ATP8A2: variants seen among roughly 807,000 people sequenced by gnomAD.
ATP8A2 encodes the protein ATPase phospholipid transporting 8A2.
ATP8A2 carries 100 observed loss-of-function variants against 165.6 expected under a neutral mutation model. The ratio of observed to expected loss-of-function variants is 0.60; its 90% CI spans 0.51 to 0.71. ATP8A2 has a LOEUF of 0.71. ATP8A2 is among the 30% of genes least tolerant of loss of function. The pLI, the probability that ATP8A2 is intolerant of heterozygous loss-of-function variation, is 0.00. For missense variants in ATP8A2, 1,227 were observed against 1,479.5 expected (o/e 0.83, Z 2.80); for synonymous variants, 543 against 548.8 (o/e 0.99, Z 0.15).
rs1257456063 is a variant in ATP8A2 at position 25,968,613 on chromosome 13, T to C, written c.3311T>C (p.Val1104Ala). 1.2e-6 allele frequency: 2 copies of C among 1,613,740 alleles called. No individual in the cohort carries two copies. Among genetic ancestry groups the C allele is most frequent in the Non-Finnish European group, 1.7e-6 (2 of 1,179,980 alleles). ...TGCAAAAAGACATTGCTGGAGGAGG[T>C]GCAGGAGCTGGAAACCAAGTCTCGA... The part of the protein sequence containing the change: ...HTCKKTLLEE[V>A]QELETKSRVL... Residue 1104 changes from valine to alanine, a missense_variant, in exon 35 of 37, where the codon GTG (valine) becomes GCG (alanine). Coordinates refer to ENST00000381655, the MANE Select transcript of ATP8A2 (RefSeq NM_016529.6).
chr13:25,726,693 C>A (rs2043501777), intron 25 of ATP8A2, among the ~76,000 whole-genome samples: 1 of 152,160 alleles, frequency 6.6e-6, no homozygotes, highest in Admixed American at 6.5e-5. Context: ...TTTACTATAC[C>A]TGCACATTTC....
intron 2 of ATP8A2, among the ~76,000 whole-genome samples, chr13:25,477,538 C>T (rs1306854770): frequency 6.6e-6 from 1 of 152,190 alleles, no homozygotes; most frequent in Non-Finnish European, 1.5e-5. Context: ...GTGTTACTTT[C>T]GTAGTTTTGA....
chr13:26,017,147 T>A (rs1373207604), intron 36 of ATP8A2, among the ~76,000 whole-genome samples: 1 of 152,150 alleles, frequency 6.6e-6, no homozygotes, highest in Non-Finnish European at 1.5e-5. Flanking sequence ...TAAAAGAGTA[T>A]GTCCCATTCT....
At chr13:26,007,480 T>C (rs868688183) in intron 35 of ATP8A2, among the ~76,000 whole-genome samples, 40 of 152,236 alleles carry the variant, frequency 2.6e-4, no homozygotes, top group Non-Finnish European at 2.1e-4. Flanking sequence ...ATAGCAAGAC[T>C]CTGCAAAGAA....
At chr13:25,988,877 A>G (rs978742221) in intron 35 of ATP8A2, among the ~76,000 whole-genome samples, 3 of 152,222 alleles carry the variant, frequency 2.0e-5, no homozygotes. Flanking sequence ...TGCAATTCTT[A>G]TGGAGGGAGT....
rs11316144 is a variant in ATP8A2, at chr13:25,921,621, CAA to C, written c.3184-39938_3184-39937del. Among the ~76,000 whole-genome samples, 636 of 117,652 alleles carry C rather than the reference CAA, an allele frequency of 5.4e-3. 1 individual carries two copies. The highest frequency in any genetic ancestry group is 0.015 in the African/African-American group (460 of 31,300). The allele number at this position is 117,652 out of a possible 152,430, so 77.2% of individuals were successfully genotyped here. ...CTGGCAACAGAGCTAGACTCTGTCT[CAA>C]AAAAAAAAAAAAAAAGAAAAAAACT... On this transcript the variant is annotated intron_variant, in intron 33 of 36. Transcript: ENST00000381655.
chr13:25,410,324 T>C lies in ATP8A2; in HGVS notation c.76+38036T>C, dbSNP rs116789631. ...TTGTTCTGGGAAGCTTTTCACCTTT[T>C]GTTCTGTCAGAATGAATTTAACATT... On this transcript the variant is annotated intron_variant, in intron 1 of 36. Transcript: ENST00000381655. 3.2e-3 allele frequency among the ~76,000 whole-genome samples: 490 copies of C among 152,318 alleles called. 6 individuals are homozygous for C. Among genetic ancestry groups the C allele is most frequent in the African/African-American group, 0.011 (460 of 41,566 alleles).
intron 35 of ATP8A2, among the ~76,000 whole-genome samples, chr13:25,973,224 GTCTTAAACCT>G (rs1380192735): frequency 2.6e-5 from 4 of 152,170 alleles, no homozygotes; most frequent in Non-Finnish European, 5.9e-5. Flanking sequence ...TGTGTGGCTG[GTCTTAAACCT>G]TCTGGCGAGC....
At chr13:25,888,074 C>G (rs1465291594) in intron 33 of ATP8A2, among the ~76,000 whole-genome samples, 1 of 134,404 alleles carries the variant, frequency 7.4e-6, no homozygotes, top group Non-Finnish European at 1.6e-5. Context: ...CCAGACCCCC[C>G]CCCCGCCCCA....
At chr13:25,639,537 C>A (rs1003067833) in intron 24 of ATP8A2, among the ~76,000 whole-genome samples, 1 of 152,132 alleles carries the variant, frequency 6.6e-6, no homozygotes, top group African/African-American at 2.4e-5. Flanking sequence ...GGGATCAATT[C>A]AACAAGAAGA....
At chr13:25,771,352 C>T (rs192989203) in intron 26 of ATP8A2, among the ~76,000 whole-genome samples, 13 of 152,328 alleles carry the variant, frequency 8.5e-5, no homozygotes, top group Non-Finnish European at 1.6e-4. Context: ...GGGACTCGCA[C>T]TTCCTGTAGT....
At chr13:25,682,462 TCTC>T (rs1201234324) in intron 24 of ATP8A2, among the ~76,000 whole-genome samples, 1 of 152,154 alleles carries the variant, frequency 6.6e-6, no homozygotes, top group African/African-American at 2.4e-5. Context: ...TGGCCACAGT[TCTC>T]CTCATCTGTC....
chr13:25,904,238 G>A (rs1444761912), intron 33 of ATP8A2, among the ~76,000 whole-genome samples: 1 of 152,166 alleles, frequency 6.6e-6, no homozygotes, highest in Non-Finnish European at 1.5e-5. Flanking sequence ...CCTATACCTT[G>A]GACCTGTCAA....
rs375637297 is a variant in ATP8A2 at position 25,723,225 on chromosome 13, A to G, written c.2384+23880A>G. 3.3e-5 allele frequency among the ~76,000 whole-genome samples: 5 copies of G among 152,222 alleles called. No homozygotes were observed. The East Asian group carries it at 9.6e-4, about 29-fold the overall frequency. ...TAGTAGTGGGGAGTGGGCATTTTTA[A>G]CTTCACTAAATAATGCAAACTTATA... is the stretch of plus-strand genomic sequence containing the variant. On this transcript the variant is annotated intron_variant, in intron 25 of 36. Coordinates refer to ENST00000381655, the MANE Select transcript of ATP8A2 (RefSeq NM_016529.6).
chr13:25,735,403 G>A (rs991420991), intron 25 of ATP8A2, among the ~76,000 whole-genome samples: 1 of 152,042 alleles, frequency 6.6e-6, no homozygotes, highest in African/African-American at 2.4e-5. Context: ...GGGACCACAG[G>A]AGAGCACCAC....
chr13:25,585,937 A>C (rs970259017), intron 23 of ATP8A2, among the ~76,000 whole-genome samples: 1 of 152,316 alleles, frequency 6.6e-6, no homozygotes, highest in Non-Finnish European at 1.5e-5. Flanking sequence ...GTTAATTATG[A>C]GACAAATCAG....
intron 24 of ATP8A2, among the ~76,000 whole-genome samples, chr13:25,600,759 G>A (rs1435917648): frequency 1.3e-5 from 2 of 152,198 alleles, no homozygotes; most frequent in Admixed American, 1.3e-4. Context: ...AATTCATGCA[G>A]CATCTTGGTA....
At position 26,005,826 on chromosome 13, in the gene ATP8A2, T is replaced by C. The variant is rs191969457; in HGVS notation, c.3378-6705T>C. On this transcript the variant is annotated intron_variant, in intron 35 of 36. Coordinates refer to ENST00000381655, the MANE Select transcript of ATP8A2 (RefSeq NM_016529.6). ...ATGTCAAAAATTAAGTGACCATTGA[T>C]GTATGGGTTTATTTCTGGACTCTCA... Among the ~76,000 whole-genome samples the C allele has an allele frequency of 6.5e-4, 99 of 152,184 alleles. 1 individual carries two copies. The highest frequency in any genetic ancestry group is 2.0e-3 in the African/African-American group (82 of 41,578).
intron 27 of ATP8A2, 74 bp from the exon 28 acceptor site, chr13:25,828,044 C>T (rs990399762): frequency 5.1e-5 from 62 of 1,211,472 alleles, no homozygotes; most frequent in Non-Finnish European, 7.1e-5. Context: ...TCCACATTCC[C>T]GCTACTTCTT....
Sources: allele counts gnomAD v4.1 joint callset (sites outside exome capture counted in the v4.1 genomes callset), GRCh38; gene constraint gnomAD v4.1.1; transcripts MANE v1.5; gene names NCBI Gene and HGNC (gene_info 2026-07-23, HGNC 2026-07-21).